CMIP: variants seen among roughly 807,000 people sequenced by gnomAD.
The protein encoded by CMIP is c-Maf inducing protein.
Under a neutral mutation model 97.3 loss-of-function variants are expected in CMIP, and 13 were observed. The observed-to-expected ratio is 0.13, with a 90% CI of 0.09 to 0.21. The LOEUF (loss-of-function observed/expected upper bound fraction) is 0.21, where lower values mean the gene tolerates loss of function less well. Among genes scored for constraint, CMIP ranks in the 10% least tolerant of loss-of-function variants. The pLI, the probability that CMIP is intolerant of heterozygous loss-of-function variation, is 1.00. For synonymous variants in CMIP, 538 were observed against 436.3 expected, an observed-to-expected ratio of 1.23 and a Z score of -2.91; for missense variants, 847 against 1,024.9, an observed-to-expected ratio of 0.83 and a Z score of 2.37.
intron 1 of CMIP, among the ~76,000 whole-genome samples, chr16:81,466,384 C>G (rs1270111709): frequency 6.6e-6 from 1 of 152,206 alleles, no homozygotes; most frequent in Non-Finnish European, 1.5e-5. Context: ...AAAAAAATTA[C>G]TTCATTTGGC....
chr16:81,491,556 GA>G (rs1220648225), intron 1 of CMIP, among the ~76,000 whole-genome samples: 6 of 151,992 alleles, frequency 3.9e-5, no homozygotes, highest in African/African-American at 7.3e-5. Flanking sequence ...AAAAGAAGAC[GA>G]AAAAAACCTC....
chr16:81,477,769 C>A (rs1443034527), intron 1 of CMIP, among the ~76,000 whole-genome samples: 1 of 152,226 alleles, frequency 6.6e-6, no homozygotes, highest in South Asian at 2.1e-4. Flanking sequence ...TGTGGCTGCT[C>A]CTCCGTTCTT....
chr16:81,501,216 T>C (rs899194143), intron 1 of CMIP, among the ~76,000 whole-genome samples: 2 of 152,250 alleles, frequency 1.3e-5, no homozygotes, highest in African/African-American at 4.8e-5. Context: ...TTCAGTCTTG[T>C]CTTGCTAAGG....
At chr16:81,539,390 T>C (rs916424872) in intron 1 of CMIP, among the ~76,000 whole-genome samples, 38 of 152,110 alleles carry the variant, frequency 2.5e-4, no homozygotes, top group African/African-American at 9.2e-4. Flanking sequence ...GAAACCAATG[T>C]CTGCAGGCCC....
chr16:81,701,197 C>G (rs560524727), intron 15 of CMIP, among the ~76,000 whole-genome samples: 1 of 152,054 alleles, frequency 6.6e-6, no homozygotes, highest in Admixed American at 6.5e-5. Flanking sequence ...GGCCGAAGAG[C>G]CACATGTGCA....
intron 1 of CMIP, among the ~76,000 whole-genome samples, chr16:81,530,831 A>G (rs2090219691): frequency 6.6e-6 from 1 of 152,086 alleles, no homozygotes; most frequent in African/African-American, 2.4e-5. Context: ...ATTATCTTCG[A>G]TCAGTTCAGC....
At position 81,495,268 on chromosome 16, in the gene CMIP, G is replaced by T. The variant is rs1192147460; in HGVS notation, c.300+49727G>T. On this transcript the variant is annotated intron_variant, in intron 1 of 20. Transcript: ENST00000537098. The stretch of plus-strand genomic sequence containing the variant: ...ATGGTCAGAGTGGACCTCTCAGCCT[G>T]GGGGAAGCAGAGGATGAACCCTCTG... 5.7e-6 allele frequency: 8 copies of T among 1,394,710 alleles called. 1 individual carries two copies. In the East Asian group the frequency reaches 1.6e-4, roughly 27 times the overall value. 86.4% of individuals were successfully genotyped at this position (1,394,710 alleles called of 1,614,324 possible).
chr16:81,612,188 C>G (rs533072031), intron 2 of CMIP, among the ~76,000 whole-genome samples: 1 of 152,196 alleles, frequency 6.6e-6, no homozygotes, highest in Non-Finnish European at 1.5e-5. Flanking sequence ...AGCAGCGCGG[C>G]GCAGATCATC....
chr16:81,482,078 C>T (rs914229659), intron 1 of CMIP, among the ~76,000 whole-genome samples: 2 of 152,054 alleles, frequency 1.3e-5, no homozygotes, highest in East Asian at 1.9e-4. Flanking sequence ...AGCGTTTCAC[C>T]ATGTTGGCCA....
chr16:81,610,598 C>T, intron 2 of CMIP: 1 of 940,988 alleles, frequency 1.1e-6, no homozygotes, highest in African/African-American at 1.8e-5. Context: ...CCATTTCCGT[C>T]AGGGGAGGTA....
At chr16:81,596,835 G>C (rs150228390) in intron 1 of CMIP, among the ~76,000 whole-genome samples, 71 of 152,260 alleles carry the variant, frequency 4.7e-4, no homozygotes, top group Non-Finnish European at 4.9e-4. Context: ...CCAGTACCCT[G>C]ACTTCCCACA....
At chr16:81,527,660 T>C (rs2090158338) in intron 1 of CMIP, among the ~76,000 whole-genome samples, 1 of 152,228 alleles carries the variant, frequency 6.6e-6, no homozygotes. Flanking sequence ...TTATTTAGTT[T>C]TTTTAGAAGC....
At chr16:81,544,161 G>C (rs567112197) in intron 1 of CMIP, among the ~76,000 whole-genome samples, 4 of 152,338 alleles carry the variant, frequency 2.6e-5, no homozygotes, top group African/African-American at 9.6e-5. Context: ...ATCATTTGTG[G>C]GGTTCCACAT....
At chr16:81,532,955 C>G (rs2090268573) in intron 1 of CMIP, among the ~76,000 whole-genome samples, 1 of 152,150 alleles carries the variant, frequency 6.6e-6, no homozygotes, top group South Asian at 2.1e-4. Flanking sequence ...GAGGCCTTTG[C>G]CCTGACTGCT....
intron 1 of CMIP, among the ~76,000 whole-genome samples, chr16:81,475,299 G>T (rs1242053485): frequency 2.6e-5 from 4 of 152,142 alleles, no homozygotes; most frequent in Non-Finnish European, 5.9e-5. Flanking sequence ...TGCAAAGCAG[G>T]GTATAAAATA....
At chr16:81,462,772 G>A (rs1050563758) in intron 1 of CMIP, among the ~76,000 whole-genome samples, 13 of 152,180 alleles carry the variant, frequency 8.5e-5, no homozygotes, top group Middle Eastern at 3.2e-3. Flanking sequence ...CTGGAGCTGC[G>A]TTGTGATTGA....
chr16:81,473,526 G>C (rs1327900597), intron 1 of CMIP, among the ~76,000 whole-genome samples: 1 of 148,458 alleles, frequency 6.7e-6, no homozygotes, highest in Non-Finnish European at 1.5e-5. Flanking sequence ...TAAAACTGGA[G>C]ACTTGGTTGT....
chr16:81,603,142 C>T (rs577184907), intron 1 of CMIP, among the ~76,000 whole-genome samples: 25 of 152,268 alleles, frequency 1.6e-4, no homozygotes, highest in Middle Eastern at 6.8e-3. Flanking sequence ...TGCAGTGGCG[C>T]GATCTCGGCT....
At chr16:81,478,395 T>C (rs1908059638) in intron 1 of CMIP, among the ~76,000 whole-genome samples, 1 of 152,138 alleles carries the variant, frequency 6.6e-6, no homozygotes, top group South Asian at 2.1e-4. Context: ...GATTTTGGCG[T>C]CCTGTATGGA....
Sources: allele counts gnomAD v4.1 joint callset (sites outside exome capture counted in the v4.1 genomes callset), GRCh38; gene constraint gnomAD v4.1.1; transcripts MANE v1.5; gene names NCBI Gene and HGNC (gene_info 2026-07-23, HGNC 2026-07-21).